The following MIR2052HG variants were observed in gnomAD, a reference collection of about 807,000 sequenced individuals.
MIR2052HG encodes MIR2052 host gene.
chr8:74,749,710 A>G (rs1379177718), intron 4 of MIR2052HG, among the ~76,000 whole-genome samples: 6 of 151,960 alleles, frequency 3.9e-5, no homozygotes, highest in Non-Finnish European at 7.4e-5. Flanking sequence ...TTAGCTGGGT[A>G]TGGTGTCGGG....
chr8:74,607,885 A>G (rs77045186), intron 1 of MIR2052HG, among the ~76,000 whole-genome samples: 1 of 152,304 alleles, frequency 6.6e-6, no homozygotes, highest in African/African-American at 2.4e-5. Flanking sequence ...GGTTGCTTTT[A>G]AAGGGGGCCT....
chr8:74,740,885 AC>A (rs1179126246), intron 4 of MIR2052HG, among the ~76,000 whole-genome samples: 5 of 150,728 alleles, frequency 3.3e-5, no homozygotes, highest in African/African-American at 9.9e-5. Context: ...TCTTCTCTCT[AC>A]CCCTGGGTTA....
intron 2 of MIR2052HG, among the ~76,000 whole-genome samples, chr8:74,645,639 A>C (rs898054020): frequency 6.6e-6 from 1 of 152,220 alleles, no homozygotes; most frequent in African/African-American, 2.4e-5. Flanking sequence ...CACCTGGAAC[A>C]TAGTGACTGC....
intron 5 of MIR2052HG, chr8:74,752,554 C>T (rs1809959044): frequency 2.2e-6 from 1 of 453,554 alleles, no homozygotes; most frequent in South Asian, 1.6e-5. Flanking sequence ...AAGATATTTT[C>T]TCTCTGACTT....
intron 2 of MIR2052HG, among the ~76,000 whole-genome samples, chr8:74,620,838 C>A (rs1808351347): frequency 6.6e-6 from 1 of 152,248 alleles, no homozygotes; most frequent in Non-Finnish European, 1.5e-5. Context: ...ATGCAAATTT[C>A]TGTGGCAGGC....
chr8:74,729,801 T>G (rs181330611), intron 4 of MIR2052HG, among the ~76,000 whole-genome samples: 47 of 152,268 alleles, frequency 3.1e-4, no homozygotes, highest in African/African-American at 1.1e-3. Context: ...GTCAGCTTCC[T>G]CTTACCTCCA....
intron 4 of MIR2052HG, among the ~76,000 whole-genome samples, chr8:74,746,893 G>C (rs1224872526): frequency 6.6e-6 from 1 of 152,038 alleles, no homozygotes. Context: ...GAAAAAAAGA[G>C]ACTAGCAAAA....
chr8:74,732,030 T>C (rs574244569), intron 4 of MIR2052HG, among the ~76,000 whole-genome samples: 1 of 152,262 alleles, frequency 6.6e-6, no homozygotes, highest in East Asian at 1.9e-4. Context: ...CTGAATTACA[T>C]GGTTTAAAGA....
chr8:74,610,976 T>C (rs1250175711), intron 1 of MIR2052HG, among the ~76,000 whole-genome samples: 1 of 151,994 alleles, frequency 6.6e-6, no homozygotes, highest in African/African-American at 2.4e-5. Context: ...AAATAAAACA[T>C]TGATAAATTG....
At chr8:74,695,279 C>T (rs1480139408) in intron 2 of MIR2052HG, among the ~76,000 whole-genome samples, 1 of 152,078 alleles carries the variant, frequency 6.6e-6, no homozygotes, top group Non-Finnish European at 1.5e-5. Context: ...TTGACACTAC[C>T]ACCCCAGCAC....
exon 5 of MIR2052HG, chr8:74,752,457 G>A: frequency 2.3e-6 from 1 of 437,470 alleles, no homozygotes; most frequent in South Asian, 1.6e-5. Flanking sequence ...GTTCAGTCCA[G>A]CCACCAGATC....
intron 2 of MIR2052HG, among the ~76,000 whole-genome samples, chr8:74,694,514 T>C (rs1422008062): frequency 6.6e-6 from 1 of 152,138 alleles, no homozygotes; most frequent in African/African-American, 2.4e-5. Flanking sequence ...AGAAGTAATC[T>C]CTGAATTGCC....
At chr8:74,692,728 C>T (rs73339243) in intron 2 of MIR2052HG, among the ~76,000 whole-genome samples, 3,327 of 152,274 alleles carry the variant, frequency 0.022, 47 homozygotes, top group Non-Finnish European at 0.026. Flanking sequence ...TGTTTTATAA[C>T]GCTTGCCTAA....
At chr8:74,656,724 G>T (rs962238608) in intron 2 of MIR2052HG, among the ~76,000 whole-genome samples, 1 of 152,164 alleles carries the variant, frequency 6.6e-6, no homozygotes, top group African/African-American at 2.4e-5. Context: ...GCTCAGGAGG[G>T]TATCCTGGAG....
At chr8:74,619,186 T>C (rs982858281) in intron 2 of MIR2052HG, among the ~76,000 whole-genome samples, 2 of 152,280 alleles carry the variant, frequency 1.3e-5, no homozygotes, top group East Asian at 3.9e-4. Flanking sequence ...TGTTAAAATA[T>C]CCATACTACC....
At chr8:74,638,955 C>A (rs1229137820) in intron 2 of MIR2052HG, among the ~76,000 whole-genome samples, 4 of 152,038 alleles carry the variant, frequency 2.6e-5, no homozygotes, top group Admixed American at 2.6e-4. Context: ...AACATTAGGT[C>A]ATGAGCAAAA....
At chr8:74,755,918 T>C (rs796687868) in intron 5 of MIR2052HG, among the ~76,000 whole-genome samples, 23 of 152,238 alleles carry the variant, frequency 1.5e-4, no homozygotes, top group African/African-American at 5.3e-4. Context: ...TGTATTGCAA[T>C]TCAGTCCTGG....
intron 4 of MIR2052HG, among the ~76,000 whole-genome samples, chr8:74,728,983 G>C (rs571141712): frequency 6.6e-6 from 1 of 152,118 alleles, no homozygotes; most frequent in Non-Finnish European, 1.5e-5. Context: ...GTTTCATTAG[G>C]AGCAGATGTA....
At chr8:74,731,846 A>G (rs1809695356) in intron 4 of MIR2052HG, among the ~76,000 whole-genome samples, 1 of 150,980 alleles carries the variant, frequency 6.6e-6, no homozygotes, top group Admixed American at 6.6e-5. Context: ...TCCACATTCT[A>G]TTGCCTTTCA....
Sources: allele counts gnomAD v4.1 joint callset (sites outside exome capture counted in the v4.1 genomes callset), GRCh38; gene constraint gnomAD v4.1.1; transcripts MANE v1.5; gene names NCBI Gene and HGNC (gene_info 2026-07-23, HGNC 2026-07-21).